Variants in NOTCH1 observed in about 807,000 individuals in gnomAD.
NOTCH1 encodes the protein neurogenic locus notch homolog protein 1.
NOTCH1 carries 37 observed loss-of-function variants against 254.8 expected under a neutral mutation model. That is an observed-to-expected ratio of 0.15 (90% CI 0.11 to 0.19). NOTCH1 has a LOEUF of 0.19. NOTCH1 is among the 10% of genes least tolerant of loss of function. The pLI is 1.00. For synonymous variants in NOTCH1, 1,731 were observed against 1,618.1 expected (o/e 1.07, Z -1.68); for missense variants, 2,972 against 3,708.6 (o/e 0.80, Z 5.16).
At chr9:136,527,266 G>GTGA (rs1387354305) in intron 2 of NOTCH1, among the ~76,000 whole-genome samples, 24 of 152,358 alleles carry the variant, frequency 1.6e-4, no homozygotes, top group Non-Finnish European at 2.9e-4. Context: ...GAAGGTGGGA[G>GTGA]GGACCTCAGG....
At chr9:136,530,634 C>T (rs546183832) in intron 2 of NOTCH1, among the ~76,000 whole-genome samples, 1 of 152,368 alleles carries the variant, frequency 6.6e-6, no homozygotes, top group East Asian at 1.9e-4. Context: ...TGGAGCCCCA[C>T]CTGCTGCTCC....
rs1446514356 is a variant in NOTCH1, at chr9:136,531,736, T to TC, written c.141-7758dup. On this transcript the variant is annotated intron_variant, in intron 2 of 33. Coordinates refer to ENST00000651671, the MANE Select transcript of NOTCH1 (RefSeq NM_017617.5). ...CGCTGCCGGAGGAGCACTCCTGGCATCCCGGGGGCAGACGCCGCCCTCCTG... is the reference window on the plus strand; with the variant it reads ...CGCTGCCGGAGGAGCACTCCTGGCATCCCCGGGGGCAGACGCCGCCCTCCTG... Among the ~76,000 whole-genome samples the TC allele has an allele frequency of 7.2e-5, 11 of 152,292 alleles. No homozygotes were observed. The South Asian group carries it at 2.1e-3, about 29-fold the overall frequency.
rs140675777 is a variant in NOTCH1 at position 136,514,147 on chromosome 9, G to A, written c.2207+363C>T. Among the ~76,000 whole-genome samples the A allele has an allele frequency of 2.1e-3, 322 of 152,290 alleles. 1 individual carries two copies. The highest frequency in any genetic ancestry group is 2.9e-3 in the Non-Finnish European group (200 of 68,026). On this transcript the variant is annotated intron_variant, in intron 13 of 33. Coordinates refer to ENST00000651671, the MANE Select transcript of NOTCH1 (RefSeq NM_017617.5). ...ACGTGCCTTCTCTGCGCCAAATGAG[G>A]GCAATGGGGTCCCTGCTGATTTAAA... is the stretch of plus-strand genomic sequence containing the variant.
Position 136,506,528 on chromosome 9 carries a change from G to A in NOTCH1, c.4013C>T (p.Ala1338Val), listed in dbSNP as rs1397249771. 1.3e-5 allele frequency: 21 copies of A among 1,594,144 alleles called. No homozygotes were observed. The highest frequency in any genetic ancestry group is 2.3e-5 in the South Asian group (2 of 88,208). The change falls in exon 24 of 34, where the codon GCG becomes GTG. Residue 1338 changes from alanine to valine, a missense_variant and splice_region_variant. Ala to Val is a moderately conservative substitution (Grantham distance 64, BLOSUM62 0). Around this residue, in one of 8 missense-constraint regions of NOTCH1, gnomAD observed 1,343 missense variants for 1,557.0 expected, o/e 0.86. Transcript: ENST00000651671. The surrounding 1 kb of genome is among the most constrained non-coding windows in gnomAD (Gnocchi z 4.5). ...TARGFICKCP[A>V]GFEGATCEND... Reference sequence around the variant, plus strand: ...GCCTCCCTGCACCCCTGCACCTACCGCAGGGCACTTGCAGATGAACCCGCG... The same window carrying A: ...GCCTCCCTGCACCCCTGCACCTACCACAGGGCACTTGCAGATGAACCCGCG...
At chr9:136,505,168 C>G (rs1371767549) in intron 25 of NOTCH1, 64 bp from the exon 26 acceptor site, 1 of 1,558,012 alleles carries the variant, frequency 6.4e-7, no homozygotes. Flanking sequence ...CCGTCCGGTG[C>G]CTCCAGCCCA....
rs1426191031 is a variant in NOTCH1 at position 136,522,872 on chromosome 9, G to T, written c.720C>A (p.Thr240=). Residue 240 remains threonine (T), a synonymous_variant, in exon 4 of 34, where the codon ACC becomes ACA. Transcript: ENST00000651671. ...TACCTGGCAGGCAGGCACACTCGTG[G>T]GTGACGTCGCCCGTGGGGCGGCAGG... The part of the protein sequence containing the change: ...GGTCRPTGDV[T]HECACLPGFT... 1.3e-6 allele frequency: 2 copies of T among 1,515,826 alleles called. No individual in the cohort carries two copies. The highest frequency in any genetic ancestry group is 1.8e-6 in the Non-Finnish European group (2 of 1,131,098). The allele number at this position is 1,515,826 out of a possible 1,614,324, so 93.9% of individuals were successfully genotyped here.
At chr9:136,515,113 A>G (rs1589065847) in intron 12 of NOTCH1, among the ~76,000 whole-genome samples, 177 bp downstream of exon 12, 1 of 151,840 alleles carries the variant, frequency 6.6e-6, no homozygotes, top group South Asian at 2.1e-4. Flanking sequence ...GGTCGGGGGG[A>G]CCCATCGTGC....
rs1564203920 is a variant in NOTCH1 at position 136,523,888 on chromosome 9, C to T, written c.232G>A (p.Asp78Asn). Residue 78 changes from aspartate to asparagine, a missense_variant, in exon 3 of 34, where the codon GAC becomes AAC. Physicochemically the swap from Asp to Asn is conservative, Grantham distance 23. Coordinates refer to ENST00000651671, the MANE Select transcript of NOTCH1 (RefSeq NM_017617.5). ...CKNAGTCHVV[D>N]RRGVADYACS... ...GCATAGTCTGCCACGCCTCTGCGGT[C>T]CACCACGTGGCATGTCCCGGCGTTC... The T allele has an allele frequency of 6.2e-7, 1 of 1,609,602 alleles. No homozygotes were observed. The highest frequency in any genetic ancestry group is 8.5e-7 in the Non-Finnish European group (1 of 1,178,742).
chr9:136,526,656 ACT>A (rs1843465009), intron 2 of NOTCH1, among the ~76,000 whole-genome samples: 1 of 151,918 alleles, frequency 6.6e-6, no homozygotes, highest in Non-Finnish European at 1.5e-5. Flanking sequence ...GGACCACGAC[ACT>A]CTGCCCGGAC....
rs1300110216 is a variant in NOTCH1 at position 136,518,633 on chromosome 9, G to C, written c.1057C>G (p.Arg353Gly). The C allele has an allele frequency of 6.2e-7, 1 of 1,612,820 alleles. No homozygotes were observed. ...ACFHGATCHD[R>G]VASFYCECPH... is the part of the protein sequence containing the mutation. ...CACTCGCAGTAGAAGGAGGCCACAC[G>C]GTCATGGCAGGTGGCGCCGTGGAAG... The change falls in exon 6 of 34, where the codon CGT becomes GGT. Residue 353 changes from arginine to glycine, a missense_variant. Physicochemically the swap from Arg to Gly is moderately radical, Grantham distance 125. Transcript: ENST00000651671.
intron 18 of NOTCH1, 31 bp downstream of exon 18, chr9:136,509,702 C>T (rs1292970015): frequency 1.3e-5 from 21 of 1,600,232 alleles, no homozygotes; most frequent in Non-Finnish European, 1.6e-5. Flanking sequence ...CCGCCCGTTC[C>T]CTTCCACGGC....
At position 136,544,112 on chromosome 9, in the gene NOTCH1, GGCA is replaced by G; in HGVS notation, c.62-13_62-11del. On this transcript the variant is annotated splice_polypyrimidine_tract_variant and intron_variant, in intron 1 of 33. Transcript: ENST00000651671. ...TGGGAGCATCGCGGGCCTAGGCAGG[GGCA>G]GGAGAAGAGAGGTCAGTCTCACCCG... The G allele has an allele frequency of 6.4e-7, 1 of 1,564,812 alleles. No homozygotes were observed.
At chr9:136,510,889 G>T in intron 16 of NOTCH1, 84 bp from the exon 17 acceptor site, 1 of 1,570,922 alleles carries the variant, frequency 6.4e-7, no homozygotes, top group Non-Finnish European at 8.6e-7. Flanking sequence ...CACCTACAGT[G>T]CCTCTCCCGA....
chr9:136,507,094 G>A, intron 22 of NOTCH1, 121 bp from the exon 23 acceptor site: 3 of 1,483,718 alleles, frequency 2.0e-6, no homozygotes, highest in Non-Finnish European at 2.8e-6. Flanking sequence ...GGGAGAGGCA[G>A]GTGTCAAGGG....
In NOTCH1 at chr9:136,507,952, C is replaced by G. The variant is rs372739350; in HGVS notation, c.3510+3G>C. The G allele has an allele frequency of 1.3e-5, 21 of 1,612,284 alleles. No individual in the cohort carries two copies. Among genetic ancestry groups the G allele is most frequent in the Non-Finnish European group, 1.7e-5 (20 of 1,179,946 alleles). On this transcript the variant is annotated splice_donor_region_variant and intron_variant, in intron 21 of 33. Transcript: ENST00000651671. The stretch of plus-strand genomic sequence containing the variant: ...CAACCCTTACCCTAGGAGGGACCCC[C>G]ACCTTGCAGGAGTAGCCGCCCAGGT...
chr9:136,506,988 T>C lies in NOTCH1; in HGVS notation c.3644-15A>G, dbSNP rs2133344438. ...ACAGTGCACACCTGCGGGGCCAGGTTTCGTCAGTGGCCCAAGCCCGCCACA... is the reference window on the plus strand; with the variant it reads ...ACAGTGCACACCTGCGGGGCCAGGTCTCGTCAGTGGCCCAAGCCCGCCACA... On this transcript the variant is annotated splice_polypyrimidine_tract_variant and intron_variant, in intron 22 of 33. Transcript: ENST00000651671. This position sits in a 1 kb window ranked among gnomAD's most constrained non-coding sequence, Gnocchi z 4.5. The C allele has an allele frequency of 1.9e-6, 3 of 1,575,826 alleles. No individual in the cohort carries two copies. The South Asian group carries it at 3.5e-5, about 18-fold the overall frequency.
Position 136,513,062 on chromosome 9 carries a change from T to C in NOTCH1, c.2426A>G (p.Asp809Gly). 1 of 1,596,214 alleles carries C rather than the reference T, an allele frequency of 6.3e-7. No homozygotes were observed. Reference protein sequence around the residue: ...PCLNQGTCIDDVAGYKCNCLL... With the variant: ...PCLNQGTCIDGVAGYKCNCLL... ...GCAGTTGCACTTGTACCCGGCAACG[T>C]CGTCAATACACGTGCCCTGGTTCAG... The change falls in exon 15 of 34, where the codon GAC becomes GGC. Residue 809 changes from aspartate to glycine, a missense_variant. Around this residue, in one of 8 missense-constraint regions of NOTCH1, gnomAD observed 1,343 missense variants for 1,557.0 expected, o/e 0.86. Coordinates refer to ENST00000651671, the MANE Select transcript of NOTCH1 (RefSeq NM_017617.5). The surrounding 1 kb of genome is among the most constrained non-coding windows in gnomAD (Gnocchi z 4.7).
chr9:136,499,016 G>A lies in NOTCH1; in HGVS notation c.6083-20C>T, dbSNP rs762865034. On this transcript the variant is annotated intron_variant, in intron 32 of 33. Transcript: ENST00000651671. ...ACTTGCCTGCGTGAAAGAAGCAGAT[G>A]GGGTAGGTTGGAGACCAGCTGGAGG... 7.4e-6 allele frequency: 12 copies of A among 1,613,014 alleles called. No individual in the cohort carries two copies. The highest frequency in any genetic ancestry group is 1.0e-5 in the Non-Finnish European group (12 of 1,180,002).
Position 136,506,931 on chromosome 9 carries a change from A to G in NOTCH1, c.3686T>C (p.Val1229Ala), listed in dbSNP as rs1564192075. ...EINVDDCNPPVDPVSRSPKCF... is the reference protein window; with the variant it reads ...EINVDDCNPPADPVSRSPKCF... The stretch of plus-strand genomic sequence containing the variant: ...CTTGGGGCTCCGGGACACGGGGTCA[A>G]CGGGGGGATTGCAGTCGTCCACGTT... Residue 1229 changes from valine (V) to alanine (A), a missense_variant, in exon 23 of 34, where the codon GTT becomes GCT. By Grantham distance (64) the Val-to-Ala change is moderately conservative. Coordinates refer to ENST00000651671, the MANE Select transcript of NOTCH1 (RefSeq NM_017617.5). This position sits in a 1 kb window ranked among gnomAD's most constrained non-coding sequence, Gnocchi z 4.5. The G allele has an allele frequency of 1.2e-6, 2 of 1,611,482 alleles. No homozygotes were observed. The highest frequency in any genetic ancestry group is 1.7e-5 in the Admixed American group (1 of 59,938).
Sources: gnomAD v4.1 joint callset for allele counts (sites outside exome capture counted in the v4.1 genomes callset) on GRCh38, gnomAD v4.1.1 for gene constraint, gnomAD v4.1.1 regional missense constraint, Gnocchi (gnomAD v3.1) non-coding constraint, MANE v1.5 for transcripts, NCBI Gene and HGNC (gene_info 2026-07-23, HGNC 2026-07-21) for gene names.